The following PDGFD variants were observed in gnomAD, a reference collection of about 807,000 sequenced individuals.
The protein encoded by PDGFD is platelet-derived growth factor D.
PDGFD carries 30 observed loss-of-function variants against 44.7 expected under a neutral mutation model. The ratio of observed to expected loss-of-function variants is 0.67; its 90% confidence interval spans 0.50 to 0.91. The LOEUF (loss-of-function observed/expected upper bound fraction) is 0.91, where lower values mean the gene tolerates loss of function less well. Ranked by LOEUF, PDGFD falls within the 40% of genes least tolerant of loss-of-function variation. PDGFD has a pLI of 0.00. For missense variants in PDGFD, 445 were observed against 457.8 expected (o/e 0.97, Z 0.25); for synonymous variants, 173 against 168.4 (o/e 1.03, Z -0.21).
At chr11:104,127,573 C>T (rs1861858592) in intron 1 of PDGFD, among the ~76,000 whole-genome samples, 1 of 152,096 alleles carries the variant, frequency 6.6e-6, no homozygotes. Flanking sequence ...TAGCCTTTAC[C>T]ATCACATCCA....
At chr11:103,980,546 C>A (rs972499788) in intron 3 of PDGFD, among the ~76,000 whole-genome samples, 9 of 151,966 alleles carry the variant, frequency 5.9e-5, no homozygotes, top group Non-Finnish European at 1.3e-4. Flanking sequence ...GGGTGTCGAA[C>A]TGGGAAGTGG....
At chr11:104,081,962 C>G (rs1006539478) in intron 1 of PDGFD, among the ~76,000 whole-genome samples, 1 of 151,700 alleles carries the variant, frequency 6.6e-6, no homozygotes, top group African/African-American at 2.4e-5. Flanking sequence ...AGAATTCTGG[C>G]TAAATTATTT....
chr11:104,047,954 C>CTAT, intron 1 of PDGFD, among the ~76,000 whole-genome samples: 1 of 152,132 alleles, frequency 6.6e-6, no homozygotes, highest in South Asian at 2.1e-4. Context: ...TGTAAATCTG[C>CTAT]TATATCTTTG....
chr11:104,052,232 C>G (rs972860548), intron 1 of PDGFD, among the ~76,000 whole-genome samples: 1 of 152,128 alleles, frequency 6.6e-6, no homozygotes, highest in East Asian at 1.9e-4. Context: ...TGCTTTTAAA[C>G]TGCAATGTTA....
intron 3 of PDGFD, among the ~76,000 whole-genome samples, chr11:103,979,525 G>A (rs970807143): frequency 2.0e-5 from 3 of 152,042 alleles, no homozygotes; most frequent in Admixed American, 6.6e-5. Context: ...TAGGTCTTTC[G>A]TTGGGACCTG....
At chr11:104,136,279 C>G (rs919708909) in intron 1 of PDGFD, among the ~76,000 whole-genome samples, 1 of 152,158 alleles carries the variant, frequency 6.6e-6, no homozygotes, top group Non-Finnish European at 1.5e-5. Flanking sequence ...TATAAACATT[C>G]TAAAGAAACA....
chr11:104,069,372 G>A (rs928336182), intron 1 of PDGFD, among the ~76,000 whole-genome samples: 1 of 152,082 alleles, frequency 6.6e-6, no homozygotes, highest in Non-Finnish European at 1.5e-5. Flanking sequence ...CAAATGGCAA[G>A]GTTATTTTGA....
intron 1 of PDGFD, among the ~76,000 whole-genome samples, chr11:104,033,312 G>T (rs1860157918): frequency 1.3e-5 from 2 of 151,996 alleles, no homozygotes; most frequent in African/African-American, 4.8e-5. Flanking sequence ...GGGGTGGATG[G>T]GTGGCTGGAC....
chr11:104,049,979 A>G (rs1279586332), intron 1 of PDGFD, among the ~76,000 whole-genome samples: 1 of 152,218 alleles, frequency 6.6e-6, no homozygotes, highest in Non-Finnish European at 1.5e-5. Flanking sequence ...GAGAAACATC[A>G]TAACAATAGA....
In PDGFD at chr11:103,926,921, C is replaced by T; in HGVS notation, c.978G>A (p.Lys326=). 1 of 1,613,640 alleles carries T rather than the reference C, an allele frequency of 6.2e-7. No individual in the cohort carries two copies. Among genetic ancestry groups the T allele is most frequent in the Non-Finnish European group, 8.5e-7 (1 of 1,179,730 alleles). Reference sequence around the variant, plus strand: ...TCTAAGAATGACATACCTCATGATACTTTTTCACGGTTTTCCCTGAATTGC... The same window carrying T: ...TCTAAGAATGACATACCTCATGATATTTTTTCACGGTTTTCCCTGAATTGC... ...CTCNSGKTVK[K]YHEVLQFEPG... is the part of the protein sequence containing the mutation. Residue 326 remains lysine, a synonymous_variant, in exon 6 of 7, where the codon AAG becomes AAA. Coordinates refer to ENST00000393158, the MANE Select transcript of PDGFD (RefSeq NM_025208.5).
chr11:104,087,195 A>ATTTTT lies in PDGFD; in HGVS notation c.124+76604_124+76608dup, dbSNP rs33989914. On this transcript the variant is annotated intron_variant, in intron 1 of 6. Transcript: ENST00000393158. ...AGGTGCAGGCCACCACAACTGGCTA[A>ATTTTT]TTTTTTTTTTTTTTTTTGAGACAGA... Among the ~76,000 whole-genome samples the ATTTTT allele has an allele frequency of 8.0e-4, 103 of 129,094 alleles. 1 individual carries two copies. The highest frequency in any genetic ancestry group is 2.7e-3 in the African/African-American group (90 of 33,856). The allele number at this position is 129,094 out of a possible 152,430, so 84.7% of individuals were successfully genotyped here.
At chr11:103,989,451 A>G (rs1327712331) in intron 3 of PDGFD, among the ~76,000 whole-genome samples, 1 of 152,166 alleles carries the variant, frequency 6.6e-6, no homozygotes, top group Non-Finnish European at 1.5e-5. Flanking sequence ...TGGTACATAC[A>G]TTTGTCCCTC....
chr11:104,055,573 T>G (rs1860606441), intron 1 of PDGFD, among the ~76,000 whole-genome samples: 1 of 152,162 alleles, frequency 6.6e-6, no homozygotes, highest in Admixed American at 6.5e-5. Flanking sequence ...TGTTTGAAGA[T>G]TAAGAAAAAG....
chr11:104,139,593 C>T (rs1026525725), intron 1 of PDGFD, among the ~76,000 whole-genome samples: 1 of 152,034 alleles, frequency 6.6e-6, no homozygotes, highest in Non-Finnish European at 1.5e-5. Context: ...TGCAGGGTAA[C>T]CCAGTGATTT....
intron 1 of PDGFD, among the ~76,000 whole-genome samples, chr11:104,049,674 A>C (rs1239023322): frequency 6.6e-6 from 1 of 152,104 alleles, no homozygotes; most frequent in Non-Finnish European, 1.5e-5. Context: ...AAGAAAGATA[A>C]ACCAATGAGG....
intron 1 of PDGFD, among the ~76,000 whole-genome samples, chr11:104,103,462 G>GTGTGTATAGA (rs1041388346): frequency 1.5e-5 from 2 of 133,262 alleles, no homozygotes; most frequent in Non-Finnish European, 3.2e-5. Context: ...GTGTGTGTGT[G>GTGTGTATAGA]TATATATATA....
intron 1 of PDGFD, among the ~76,000 whole-genome samples, chr11:104,092,146 TA>T (rs1169033180): frequency 3.9e-5 from 6 of 152,168 alleles, no homozygotes; most frequent in Non-Finnish European, 7.4e-5. Flanking sequence ...ATAGCTAGTG[TA>T]TATCAGTGCC....
At chr11:104,108,321 T>C (rs12225070) in intron 1 of PDGFD, among the ~76,000 whole-genome samples, 15,644 of 151,636 alleles carry the variant, frequency 0.1, 954 homozygotes, top group East Asian at 0.31. Context: ...AAAAGGCTAA[T>C]ATCCAGTATC....
At chr11:104,063,968 G>A (rs564310965) in intron 1 of PDGFD, among the ~76,000 whole-genome samples, 18 of 152,278 alleles carry the variant, frequency 1.2e-4, no homozygotes, top group African/African-American at 4.1e-4. Context: ...GAAAACAGAA[G>A]TAACTCGTTC....
Sources: allele counts gnomAD v4.1 joint callset (sites outside exome capture counted in the v4.1 genomes callset), GRCh38; gene constraint gnomAD v4.1.1; transcripts MANE v1.5; gene names NCBI Gene and HGNC (gene_info 2026-07-23, HGNC 2026-07-21).